The following CFAP47 variants were observed in gnomAD, a reference collection of about 807,000 sequenced individuals.
CFAP47 encodes cilia- and flagella-associated protein 47.
In CFAP47, 29 loss-of-function variants were observed where a neutral mutation model predicts 148.1. The ratio of observed to expected loss-of-function variants is 0.20; its 90% CI spans 0.15 to 0.27. The LOEUF is 0.27. Ranked by LOEUF, CFAP47 falls within the 10% of genes least tolerant of loss-of-function variation. CFAP47 has a pLI of 1.00. For missense variants in CFAP47, 1,872 were observed against 1,697.5 expected, an observed-to-expected ratio of 1.10 and a Z score of -1.81; for synonymous variants, 664 against 577.3, an observed-to-expected ratio of 1.15 and a Z score of -2.15.
At chrX:36,299,925 A>G (rs1556007495) in intron 52 of CFAP47, among the ~76,000 whole-genome samples, 1 of 112,302 alleles carries the variant, frequency 8.9e-6, no homozygotes, top group Non-Finnish European at 1.9e-5. Context: ...TTATTCTGCG[A>G]AGCATGAAAA....
chrX:36,378,184 A>C (rs1208024049), intron 62 of CFAP47, among the ~76,000 whole-genome samples: 2 of 112,028 alleles, frequency 1.8e-5, no homozygotes, highest in Non-Finnish European at 1.9e-5. Flanking sequence ...TCTGTATTCT[A>C]CCAAGAAATT....
rs781867793 is a variant in CFAP47, at chrX:36,367,839, A to G, written c.9185+712A>G. The G allele has an allele frequency of 3.6e-5, 4 of 111,721 alleles. No individual in the cohort carries two copies. In the Admixed American group the frequency reaches 3.8e-4, roughly 11 times the overall value. The allele number at this position is 111,721 out of a possible 1,213,427, so 9.2% of individuals were successfully genotyped here. The stretch of plus-strand genomic sequence containing the variant: ...CCCTTTCTGATATTTCAAATAAATG[A>G]AATTACATAATACGTAGTCTTTTGC... On this transcript the variant is annotated intron_variant, in intron 62 of 63. Coordinates refer to ENST00000378653, the MANE Select transcript of CFAP47 (RefSeq NM_001304548.2).
At chrX:36,377,524 G>T (rs2147005279) in intron 62 of CFAP47, among the ~76,000 whole-genome samples, 1 of 111,729 alleles carries the variant, frequency 9.0e-6, no homozygotes, top group East Asian at 2.8e-4. Context: ...CTGGATATTA[G>T]CCCTTTGTCA....
chrX:36,224,199 A>G (rs1412390522), intron 45 of CFAP47, among the ~76,000 whole-genome samples: 1 of 110,464 alleles, frequency 9.1e-6, no homozygotes, highest in East Asian at 2.8e-4. Context: ...CTTTTCTGGT[A>G]TTAAAAATAT....
At chrX:36,128,763 G>T (rs1180868049) in intron 33 of CFAP47, among the ~76,000 whole-genome samples, 1 of 109,389 alleles carries the variant, frequency 9.1e-6, no homozygotes, top group African/African-American at 3.3e-5. Flanking sequence ...ATATTAATTT[G>T]TCAAATTAAA....
intron 33 of CFAP47, among the ~76,000 whole-genome samples, chrX:36,111,569 T>G (rs1348134659): frequency 1.8e-5 from 2 of 111,622 alleles, no homozygotes; most frequent in African/African-American, 3.3e-5. Context: ...ATTTCATTTT[T>G]TTGTTGTTGT....
intron 39 of CFAP47, among the ~76,000 whole-genome samples, chrX:36,165,436 A>G (rs978417778): frequency 9.0e-6 from 1 of 111,496 alleles, no homozygotes; most frequent in Non-Finnish European, 1.9e-5. Context: ...TTTACTTATC[A>G]TAATCAACTT....
At chrX:36,364,975 A>G (rs1185945650) in intron 61 of CFAP47, among the ~76,000 whole-genome samples, 2 of 94,556 alleles carry the variant, frequency 2.1e-5, no homozygotes, top group African/African-American at 7.5e-5. Flanking sequence ...TACTTCTGCC[A>G]TTCCTTGTTC....
In CFAP47 at chrX:35,975,316, T is replaced by A. The variant is rs1227498606; in HGVS notation, c.2424T>A (p.Thr808=). ...FSYVILPTSS[T]YISMVFDSPT... is the part of the protein sequence containing the mutation. ...ACGTGATTCTACCTACATCCAGTAC[T>A]TATATTTCAATGGTATTTGACTCTC... The change falls in exon 14 of 64, where the codon ACT becomes ACA. Residue 808 remains threonine, a synonymous_variant. Coordinates refer to ENST00000378653, the MANE Select transcript of CFAP47 (RefSeq NM_001304548.2). 6 of 1,204,395 alleles carry A rather than the reference T, an allele frequency of 5.0e-6. No homozygotes were observed. Among genetic ancestry groups the A allele is most frequent in the Admixed American group, 4.4e-5 (2 of 45,138 alleles).
intron 49 of CFAP47, among the ~76,000 whole-genome samples, chrX:36,268,860 T>C (rs1044414699): frequency 8.9e-6 from 1 of 112,295 alleles, no homozygotes; most frequent in African/African-American, 3.2e-5. Flanking sequence ...TATTTCATTA[T>C]ATATTTTTTT....
intron 19 of CFAP47, among the ~76,000 whole-genome samples, chrX:35,999,623 T>G: frequency 8.9e-6 from 1 of 112,233 alleles, no homozygotes; most frequent in Non-Finnish European, 1.9e-5. Flanking sequence ...ACAGCATGAT[T>G]AATTGTGGTT....
At chrX:36,013,247 G>C (rs142730569) in intron 21 of CFAP47, among the ~76,000 whole-genome samples, 2,421 of 110,760 alleles carry the variant, frequency 0.022, 80 homozygotes, top group African/African-American at 0.076. Context: ...TTCTTTTTTT[G>C]AAAATGAGGG....
At chrX:35,948,585 T>A (rs748463356) in intron 4 of CFAP47, 133 bp downstream of exon 4, 10 of 499,672 alleles carry the variant, frequency 2.0e-5, no homozygotes, top group Non-Finnish European at 3.2e-5. Context: ...GAGTCTCTAC[T>A]ATTTGCCAAG....
intron 39 of CFAP47, among the ~76,000 whole-genome samples, chrX:36,175,520 C>T (rs952671881): frequency 2.7e-5 from 3 of 111,550 alleles, no homozygotes; most frequent in African/African-American, 9.8e-5. Flanking sequence ...TTCTAACAGA[C>T]CGGACCCTCA....
intron 15 of CFAP47, 114 bp from the exon 16 acceptor site, chrX:35,989,205 A>G (rs1470414593): frequency 5.5e-6 from 3 of 545,291 alleles, no homozygotes; most frequent in Non-Finnish European, 8.7e-6. Flanking sequence ...TTTAATTTTA[A>G]TAGTTTATTT....
intron 24 of CFAP47, among the ~76,000 whole-genome samples, chrX:36,037,613 T>A (rs191937881): frequency 1.8e-5 from 2 of 110,957 alleles, no homozygotes; most frequent in East Asian, 5.7e-4. Flanking sequence ...ACTCTCAGCT[T>A]AAAAAGGGTA....
chrX:35,974,459 A>G (rs1009486542), intron 13 of CFAP47, among the ~76,000 whole-genome samples: 3 of 111,127 alleles, frequency 2.7e-5, no homozygotes, highest in Non-Finnish European at 5.7e-5. Context: ...AGGATGATTG[A>G]TTGGGCTGAT....
rs1378450852 is a variant in CFAP47, at chrX:35,926,019, C to A, written c.252C>A (p.Phe84Leu). The A allele has an allele frequency of 8.4e-7, 1 of 1,193,205 alleles. No individual in the cohort carries two copies. The highest frequency in any genetic ancestry group is 1.1e-6 in the Non-Finnish European group (1 of 885,320). The change falls in exon 2 of 64, where the codon TTC becomes TTA. Residue 84 changes from phenylalanine (F) to leucine (L), a missense_variant and splice_region_variant. Phe to Leu is a conservative substitution (Grantham distance 22). Transcript: ENST00000378653. ...IRFKEPVKPQ[F>L]KLMLTSLDKE... ...TGACTCTCTTTCTCCCACTGAAGTT[C>A]AAACTGATGTTGACCAGTCTGGATA...
chrX:36,385,104 T>C lies in CFAP47; in HGVS notation c.*98T>C. Reference sequence around the variant, plus strand: ...CTGAGGAATAATGGTTTAATTATAATAGGCCTTCTATATTTCCTTGTCTTT... The same window carrying C: ...CTGAGGAATAATGGTTTAATTATAACAGGCCTTCTATATTTCCTTGTCTTT... On this transcript the variant is annotated 3_prime_UTR_variant, in exon 64 of 64. Coordinates refer to ENST00000378653, the MANE Select transcript of CFAP47 (RefSeq NM_001304548.2). 3.8e-6 allele frequency: 2 copies of C among 521,009 alleles called. No individual in the cohort carries two copies. Among genetic ancestry groups the C allele is most frequent in the Non-Finnish European group, 6.4e-6 (2 of 311,758 alleles). 42.9% of individuals were successfully genotyped at this position (521,009 alleles called of 1,213,427 possible).
Sources: gnomAD v4.1 joint callset for allele counts (sites outside exome capture counted in the v4.1 genomes callset) on GRCh38, gnomAD v4.1.1 for gene constraint, MANE v1.5 for transcripts, NCBI Gene and HGNC (gene_info 2026-07-23, HGNC 2026-07-21) for gene names.